The following FMNL2 variants were observed in gnomAD, a reference collection of about 807,000 sequenced individuals.
FMNL2 encodes the protein formin-like protein 2.
FMNL2 carries 51 observed loss-of-function variants against 130.2 expected under a neutral mutation model. The ratio of observed to expected loss-of-function variants is 0.39; its 90% CI spans 0.31 to 0.49. The LOEUF (loss-of-function observed/expected upper bound fraction) is 0.49. FMNL2 is among the 20% of genes least tolerant of loss of function. The probability of loss-of-function intolerance (pLI) is 0.85; values close to 1 mark genes in which losing one functional copy is unlikely to be tolerated. For synonymous variants in FMNL2, 465 were observed against 467.1 expected (o/e 1.00, Z 0.06); for missense variants, 977 against 1,316.2 (o/e 0.74, Z 3.99).
At chr2:152,418,180 T>C (rs1369909277) in intron 1 of FMNL2, among the ~76,000 whole-genome samples, 1 of 152,156 alleles carries the variant, frequency 6.6e-6, no homozygotes, top group African/African-American at 2.4e-5. Flanking sequence ...AGCAGCTCTT[T>C]TGGAAGAATT....
intron 1 of FMNL2, among the ~76,000 whole-genome samples, chr2:152,403,142 A>G (rs549688647): frequency 6.6e-6 from 1 of 152,122 alleles, no homozygotes; most frequent in Non-Finnish European, 1.5e-5. Context: ...CATTTTCATC[A>G]CATATCAGTG....
intron 25 of FMNL2, among the ~76,000 whole-genome samples, 170 bp from the exon 26 acceptor site, chr2:152,647,626 T>C (rs1284906080): frequency 6.6e-6 from 1 of 152,216 alleles, no homozygotes; most frequent in Non-Finnish European, 1.5e-5. Context: ...ATTGTAAATA[T>C]TGAAGGCAAA....
chr2:152,342,921 C>G (rs2345902), intron 1 of FMNL2, among the ~76,000 whole-genome samples: 127,186 of 152,186 alleles, frequency 0.84, 54,714 homozygotes, highest in Middle Eastern at 0.95. Context: ...TCTTTTCACT[C>G]TCTGAAAAAA....
chr2:152,336,209 G>T (rs1681431852), intron 1 of FMNL2, among the ~76,000 whole-genome samples: 1 of 152,128 alleles, frequency 6.6e-6, no homozygotes, highest in Non-Finnish European at 1.5e-5. Flanking sequence ...GGCCGGCCGC[G>T]GGCGCCGCGC....
At chr2:152,615,052 A>T in intron 12 of FMNL2, 52 bp downstream of exon 12, 1 of 1,590,478 alleles carries the variant, frequency 6.3e-7, no homozygotes, top group South Asian at 1.1e-5. Context: ...CTGGTTGCAA[A>T]GCAGAATTAA....
chr2:152,542,109 C>T (rs891323644), intron 2 of FMNL2, among the ~76,000 whole-genome samples: 2 of 152,084 alleles, frequency 1.3e-5, no homozygotes, highest in South Asian at 2.1e-4. Context: ...TATGTTTATG[C>T]TTATTCCAGT....
intron 1 of FMNL2, among the ~76,000 whole-genome samples, chr2:152,417,023 A>C (rs1232284684): frequency 6.6e-6 from 1 of 152,172 alleles, no homozygotes; most frequent in Non-Finnish European, 1.5e-5. Flanking sequence ...GGATAGTCAA[A>C]CCTTAACAAT....
chr2:152,506,350 C>G (rs1296680161), intron 1 of FMNL2, among the ~76,000 whole-genome samples: 1 of 152,168 alleles, frequency 6.6e-6, no homozygotes, highest in Non-Finnish European at 1.5e-5. Flanking sequence ...AATGAATGCT[C>G]AAGTCCCTGA....
chr2:152,591,095 C>T (rs150697680), intron 9 of FMNL2, among the ~76,000 whole-genome samples: 3,018 of 144,846 alleles, frequency 0.021, 105 homozygotes, highest in African/African-American at 0.067. Context: ...CTGCAACCTC[C>T]GTCTCCCGGG....
At chr2:152,526,467 C>CATTT (rs1358555388) in intron 2 of FMNL2, among the ~76,000 whole-genome samples, 1 of 152,154 alleles carries the variant, frequency 6.6e-6, no homozygotes, top group Admixed American at 6.5e-5. Flanking sequence ...TTTGATTCTA[C>CATTT]ATTTAGCTAT....
At chr2:152,443,746 G>A (rs1688188966) in intron 1 of FMNL2, among the ~76,000 whole-genome samples, 1 of 152,168 alleles carries the variant, frequency 6.6e-6, no homozygotes, top group Non-Finnish European at 1.5e-5. Context: ...GGGAAGCTGA[G>A]GCAGGAGAAT....
At chr2:152,341,960 A>G (rs928614004) in intron 1 of FMNL2, among the ~76,000 whole-genome samples, 7 of 152,204 alleles carry the variant, frequency 4.6e-5, no homozygotes, top group Non-Finnish European at 8.8e-5. Flanking sequence ...GAAGTACATT[A>G]TTGGCTCGAA....
At chr2:152,598,875 T>G (rs1697898657) in intron 9 of FMNL2, among the ~76,000 whole-genome samples, 1 of 152,280 alleles carries the variant, frequency 6.6e-6, no homozygotes, top group South Asian at 2.1e-4. Context: ...GGTAGAGAAG[T>G]TCCATGCTAC....
chr2:152,568,218 G>GTTTTT (rs1177965681), intron 6 of FMNL2, among the ~76,000 whole-genome samples: 9 of 34,860 alleles, frequency 2.6e-4, no homozygotes, highest in African/African-American at 7.6e-4. Context: ...ATTTTGGTGG[G>GTTTTT]TTTTTTTTTT....
intron 1 of FMNL2, among the ~76,000 whole-genome samples, chr2:152,520,732 G>C (rs1300889969): frequency 6.6e-6 from 1 of 152,132 alleles, no homozygotes; most frequent in African/African-American, 2.4e-5. Context: ...GAAAATGCTT[G>C]GTTTAATTTA....
intron 1 of FMNL2, among the ~76,000 whole-genome samples, chr2:152,498,704 G>A (rs1369338059): frequency 3.3e-5 from 5 of 152,076 alleles, no homozygotes; most frequent in African/African-American, 1.2e-4. Flanking sequence ...AACATATATT[G>A]TTGCTGTCTT....
At chr2:152,425,845 C>T (rs1007908593) in intron 1 of FMNL2, among the ~76,000 whole-genome samples, 5 of 152,142 alleles carry the variant, frequency 3.3e-5, no homozygotes, top group Non-Finnish European at 5.9e-5. Flanking sequence ...GGTTTCCAAA[C>T]GACTTCCCCC....
intron 1 of FMNL2, among the ~76,000 whole-genome samples, chr2:152,405,643 A>G (rs553103811): frequency 2.6e-5 from 4 of 152,326 alleles, no homozygotes; most frequent in Admixed American, 6.5e-5. Context: ...AAAGGACCCT[A>G]GAGACCAACT....
chr2:152,428,792 G>C (rs1221177457), intron 1 of FMNL2, among the ~76,000 whole-genome samples: 2 of 152,186 alleles, frequency 1.3e-5, no homozygotes, highest in Non-Finnish European at 2.9e-5. Context: ...TTTGGATAGA[G>C]ATAGTTCGAG....
Sources: allele counts gnomAD v4.1 joint callset (sites outside exome capture counted in the v4.1 genomes callset), GRCh38; gene constraint gnomAD v4.1.1; transcripts MANE v1.5; gene names NCBI Gene and HGNC (gene_info 2026-07-23, HGNC 2026-07-21).